ARHGAP19: variants seen among roughly 807,000 people sequenced by gnomAD.
ARHGAP19 encodes the protein Rho GTPase activating protein 19, also known as rho GTPase-activating protein 19.
Under a neutral mutation model 60.9 loss-of-function variants are expected in ARHGAP19, and 48 were observed. The observed-to-expected ratio is 0.79, with a 90% CI of 0.62 to 1.00. The LOEUF (loss-of-function observed/expected upper bound fraction) is 1.00. Ranked by LOEUF, ARHGAP19 falls within the 50% of genes least tolerant of loss-of-function variation. The pLI is 0.00. For synonymous variants in ARHGAP19, 209 were observed against 215.5 expected (o/e 0.97, Z 0.27); for missense variants, 562 against 597.2 (o/e 0.94, Z 0.61).
At chr10:97,226,432 T>C (rs79196399) in intron 11 of ARHGAP19, among the ~76,000 whole-genome samples, 2,908 of 152,292 alleles carry the variant, frequency 0.019, 50 homozygotes, top group Non-Finnish European at 0.031. Flanking sequence ...TCCTACCATT[T>C]TACAGAGTAA....
rs369218053 is a variant in ARHGAP19, at chr10:97,242,922, T to C, written c.1185+1046A>G. On this transcript the variant is annotated intron_variant, in intron 8 of 11. Coordinates refer to ENST00000358531, the MANE Select transcript of ARHGAP19 (RefSeq NM_032900.6). ...GCCTAGGCCTCCCAAAGTGCTGGGA[T>C]TACAGGTGTGAGCCACCGCGCCCAG... Among the ~76,000 whole-genome samples the C allele has an allele frequency of 2.5e-3, 380 of 152,320 alleles. 2 individuals carry two copies. The highest frequency in any genetic ancestry group is 8.9e-3 in the African/African-American group (370 of 41,576).
At chr10:97,277,777 T>G (rs1042364169) in intron 1 of ARHGAP19, 9 of 152,256 alleles carry the variant, frequency 5.9e-5, no homozygotes, top group Non-Finnish European at 1.2e-4. Context: ...GCCACTCTGT[T>G]GCCAATCAAT....
Position 97,229,450 on chromosome 10 carries a change from G to A in ARHGAP19, c.1396-225C>T, listed in dbSNP as rs113245943. Among the ~76,000 whole-genome samples the A allele has an allele frequency of 2.5e-3, 375 of 152,180 alleles. 2 individuals carry two copies. The highest frequency in any genetic ancestry group is 8.8e-3 in the African/African-American group (365 of 41,528). ...CCACAGGTAATATAGAGCCTAGGAG[G>A]CCTGGCTCAAATGTCACCTGTGGAA... On this transcript the variant is annotated intron_variant, in intron 10 of 11. Transcript: ENST00000358531.
At chr10:97,243,922 G>A (rs896082629) in intron 8 of ARHGAP19, 46 bp downstream of exon 8, 5 of 1,487,670 alleles carry the variant, frequency 3.4e-6, no homozygotes, top group African/African-American at 2.8e-5. Context: ...CTACAACCAC[G>A]ATTACACTCC....
intron 4 of ARHGAP19, among the ~76,000 whole-genome samples, chr10:97,260,779 G>A (rs1392067090): frequency 2.0e-5 from 3 of 151,534 alleles, no homozygotes; most frequent in South Asian, 2.1e-4. Flanking sequence ...TCCATTCCTC[G>A]GTATATACCC....
chr10:97,292,498 G>C, intron 1 of ARHGAP19, 74 bp downstream of exon 1: 1 of 1,558,310 alleles, frequency 6.4e-7, no homozygotes, highest in Non-Finnish European at 8.8e-7. Context: ...GCGCCTCCGT[G>C]ACCCAAGGCA....
At chr10:97,272,717 C>A (rs1179243400) in intron 1 of ARHGAP19, among the ~76,000 whole-genome samples, 3 of 151,882 alleles carry the variant, frequency 2.0e-5, no homozygotes, top group East Asian at 3.9e-4. Context: ...TTTTTAATGT[C>A]TCTACGTTCC....
chr10:97,265,943 ATCAGCTGAGCCAAC>A lies in ARHGAP19; in HGVS notation c.225_238del (p.Glu75AspfsTer7), dbSNP rs1431027048. 1 of 1,613,986 alleles carries A rather than the reference ATCAGCTGAGCCAAC, an allele frequency of 6.2e-7. No individual in the cohort carries two copies. The highest frequency in any genetic ancestry group is 8.5e-7 in the Non-Finnish European group (1 of 1,180,014). On this transcript the variant is annotated frameshift_variant, in exon 2 of 12. Coordinates refer to ENST00000358531, the MANE Select transcript of ARHGAP19 (RefSeq NM_032900.6). LOFTEE classifies it high-confidence loss of function. ...AGGCAACTTAAGGTCCACTTCCCCCATCAGCTGAGCCAACTCAGTTCCAGGTAAATCGATGAGCC... is the reference window on the plus strand; with the variant it reads ...AGGCAACTTAAGGTCCACTTCCCCCATCAGTTCCAGGTAAATCGATGAGCC...
intron 4 of ARHGAP19, 149 bp downstream of exon 4, chr10:97,263,271 G>A (rs1842854674): frequency 4.1e-6 from 3 of 735,614 alleles, no homozygotes; most frequent in Non-Finnish European, 6.7e-6. Context: ...CAATACCTAT[G>A]AGTACCCAGA....
At chr10:97,250,535 C>A (rs1253394) in intron 6 of ARHGAP19, among the ~76,000 whole-genome samples, 4 of 151,534 alleles carry the variant, frequency 2.6e-5, no homozygotes, top group East Asian at 2.0e-4. Flanking sequence ...AGGCGCCCAC[C>A]ACCACGCCCG....
At chr10:97,254,951 A>C (rs112423611) in intron 6 of ARHGAP19, among the ~76,000 whole-genome samples, 134 of 152,330 alleles carry the variant, frequency 8.8e-4, no homozygotes, top group African/African-American at 3.1e-3. Context: ...TGCTAAGTAT[A>C]AATAAGGCAG....
intron 1 of ARHGAP19, among the ~76,000 whole-genome samples, chr10:97,282,145 C>G (rs943781592): frequency 6.6e-6 from 1 of 152,146 alleles, no homozygotes; most frequent in African/African-American, 2.4e-5. Flanking sequence ...GCATGTCATC[C>G]AAGCTTAACC....
At chr10:97,266,493 A>G (rs1373615420) in intron 1 of ARHGAP19, among the ~76,000 whole-genome samples, 3 of 152,124 alleles carry the variant, frequency 2.0e-5, no homozygotes, top group African/African-American at 7.2e-5. Flanking sequence ...CCACTCTTAC[A>G]TTACATTGGG....
At position 97,229,219 on chromosome 10, in the gene ARHGAP19, A is replaced by G; in HGVS notation, c.1402T>C (p.Ser468Pro). The G allele has an allele frequency of 6.2e-7, 1 of 1,613,900 alleles. No homozygotes were observed. Among genetic ancestry groups the G allele is most frequent in the Non-Finnish European group, 8.5e-7 (1 of 1,179,764 alleles). The change falls in exon 11 of 12, where the codon TCT becomes CCT. Residue 468 changes from serine (S) to proline (P), a missense_variant. Coordinates refer to ENST00000358531, the MANE Select transcript of ARHGAP19 (RefSeq NM_032900.6). ...TSKENRNLLF[S>P]GSPAVTMTPT... ...GTCATCGTGACAGCTGGAGAGCCAG[A>G]AAATAACTGTAATAAGAAAATTGTA...
At chr10:97,279,633 T>C (rs994604214) in intron 1 of ARHGAP19, among the ~76,000 whole-genome samples, 5 of 152,042 alleles carry the variant, frequency 3.3e-5, no homozygotes, top group South Asian at 2.1e-4. Flanking sequence ...GCTGGGACCA[T>C]AGACATGCAC....
intron 3 of ARHGAP19, among the ~76,000 whole-genome samples, chr10:97,264,363 G>A (rs1341949945): frequency 1.3e-5 from 2 of 151,760 alleles, no homozygotes; most frequent in Admixed American, 1.3e-4. Context: ...CAAGGTGGGA[G>A]AATCACCTGA....
intron 6 of ARHGAP19, among the ~76,000 whole-genome samples, chr10:97,253,379 C>CAAAAAAAA (rs551066347): frequency 2.2e-4 from 18 of 82,376 alleles, no homozygotes; most frequent in Non-Finnish European, 3.4e-4. Flanking sequence ...AACTCTATCT[C>CAAAAAAAA]AAAAAAAAAA....
intron 6 of ARHGAP19, among the ~76,000 whole-genome samples, chr10:97,252,291 C>T (rs1172856958): frequency 6.6e-6 from 1 of 151,032 alleles, no homozygotes; most frequent in Non-Finnish European, 1.5e-5. Flanking sequence ...CATGCCACCA[C>T]ACTCCAGCCT....
chr10:97,234,415 T>TAAAAA (rs10592924), intron 9 of ARHGAP19, among the ~76,000 whole-genome samples: 4 of 124,170 alleles, frequency 3.2e-5, no homozygotes, highest in Admixed American at 8.3e-5. Flanking sequence ...AAATAAAAAT[T>TAAAAA]AAAAAAAAAA....
Sources: gnomAD v4.1 joint callset for allele counts (sites outside exome capture counted in the v4.1 genomes callset) on GRCh38, gnomAD v4.1.1 for gene constraint, MANE v1.5 for transcripts, NCBI Gene and HGNC (gene_info 2026-07-23, HGNC 2026-07-21) for gene names.